SETBP1: variants seen among roughly 807,000 people sequenced by gnomAD.
The protein encoded by SETBP1 is SET-binding protein.
SETBP1 carries 9 observed loss-of-function variants against 101.0 expected under a neutral mutation model. The ratio of observed to expected loss-of-function variants is 0.09; its 90% confidence interval spans 0.05 to 0.16. The LOEUF (loss-of-function observed/expected upper bound fraction) is 0.16, where lower values mean the gene tolerates loss of function less well. SETBP1 is among the 10% of genes least tolerant of loss of function. The pLI, the probability that SETBP1 is intolerant of heterozygous loss-of-function variation, is 1.00. For synonymous variants in SETBP1, 818 were observed against 788.5 expected (o/e 1.04, Z -0.63); for missense variants, 1,858 against 2,033.8 (o/e 0.91, Z 1.66).
chr18:45,055,361 A>G (rs1052333616), intron 5 of SETBP1, among the ~76,000 whole-genome samples: 3 of 152,202 alleles, frequency 2.0e-5, no homozygotes, highest in African/African-American at 7.2e-5. Flanking sequence ...CTTTTTCTTA[A>G]ATACAAACTT....
intron 3 of SETBP1, among the ~76,000 whole-genome samples, chr18:44,942,065 T>C (rs1433332123): frequency 1.3e-5 from 2 of 152,208 alleles, no homozygotes; most frequent in Non-Finnish European, 2.9e-5. Context: ...GTTTTGACTT[T>C]TGTTCTGATA....
At chr18:44,715,836 G>A (rs572681910) in intron 2 of SETBP1, among the ~76,000 whole-genome samples, 1 of 152,322 alleles carries the variant, frequency 6.6e-6, no homozygotes, top group Non-Finnish European at 1.5e-5. Context: ...AGACGTGGCT[G>A]TGATGGACAG....
chr18:45,063,111 C>A lies in SETBP1; in HGVS notation c.4204C>A (p.Arg1402=). The part of the protein sequence containing the change: ...GSSLKKRFKR[R]EIEAIQCEVR... The stretch of plus-strand genomic sequence containing the variant: ...CTCCCTGAAGAAGAGGTTCAAGCGG[C>A]GGGAGATCGAAGCCATCCAGTGCGA... Residue 1402 remains arginine, a synonymous_variant, in exon 6 of 6, where the codon CGG becomes AGG. Transcript: ENST00000649279. 1 of 1,613,966 alleles carries A rather than the reference C, an allele frequency of 6.2e-7. No individual in the cohort carries two copies. Among genetic ancestry groups the A allele is most frequent in the East Asian group, 2.2e-5 (1 of 44,836 alleles).
At chr18:44,877,935 T>A (rs1474423792) in intron 3 of SETBP1, among the ~76,000 whole-genome samples, 2 of 152,186 alleles carry the variant, frequency 1.3e-5, no homozygotes, top group Non-Finnish European at 2.9e-5. Flanking sequence ...TCCAAGACAT[T>A]CTGACCATCT....
chr18:44,883,503 C>G (rs1374489943), intron 3 of SETBP1, among the ~76,000 whole-genome samples: 1 of 152,296 alleles, frequency 6.6e-6, no homozygotes, highest in East Asian at 1.9e-4. Flanking sequence ...TCTAGATTAG[C>G]TAATCAGGTT....
chr18:45,029,887 T>C (rs537162312), intron 4 of SETBP1, among the ~76,000 whole-genome samples: 2 of 152,088 alleles, frequency 1.3e-5, no homozygotes, highest in Admixed American at 1.3e-4. Flanking sequence ...CTGAAGTTGC[T>C]TATCAGCTTA....
chr18:44,986,594 T>C (rs1477646486), intron 4 of SETBP1: 2 of 150,324 alleles, frequency 1.3e-5, no homozygotes, highest in Admixed American at 6.7e-5. Context: ...TATATTCTTA[T>C]TCTATAAGCC....
At chr18:44,915,247 G>A (rs1440548907) in intron 3 of SETBP1, among the ~76,000 whole-genome samples, 2 of 152,154 alleles carry the variant, frequency 1.3e-5, no homozygotes, top group African/African-American at 2.4e-5. Flanking sequence ...CAGTTCTCCT[G>A]ACTTCAGAAA....
At chr18:45,038,705 G>A (rs1599481831) in intron 5 of SETBP1, 50 bp downstream of exon 5, 3 of 1,600,374 alleles carry the variant, frequency 1.9e-6, no homozygotes, top group East Asian at 4.5e-5. Flanking sequence ...GATGAATGTG[G>A]AGAAAGCCCA....
chr18:44,707,964 C>G (rs1419019578), intron 2 of SETBP1, among the ~76,000 whole-genome samples: 2 of 152,150 alleles, frequency 1.3e-5, no homozygotes, highest in African/African-American at 4.8e-5. Context: ...GGGTTCTTCC[C>G]TTTTCCTGGC....
chr18:44,875,504 G>A (rs964342372), intron 3 of SETBP1, among the ~76,000 whole-genome samples: 3 of 120,252 alleles, frequency 2.5e-5, no homozygotes, highest in African/African-American at 9.6e-5. Flanking sequence ...ACTCCAGCCT[G>A]GCAAGAGAGC....
chr18:44,798,139 G>A (rs541330672), intron 2 of SETBP1, among the ~76,000 whole-genome samples: 17 of 152,264 alleles, frequency 1.1e-4, no homozygotes, highest in Admixed American at 1.1e-3. Flanking sequence ...GACCCTCTTA[G>A]GAGGACCATA....
intron 3 of SETBP1, among the ~76,000 whole-genome samples, chr18:44,929,092 G>A (rs539871893): frequency 3.3e-5 from 5 of 152,056 alleles, no homozygotes; most frequent in Middle Eastern, 3.4e-3. Context: ...TAATCCATCC[G>A]TCTTGAATTA....
At chr18:44,691,241 A>G (rs2068926978) in intron 1 of SETBP1, among the ~76,000 whole-genome samples, 1 of 152,152 alleles carries the variant, frequency 6.6e-6, no homozygotes, top group Non-Finnish European at 1.5e-5. Flanking sequence ...CTGGACCTTA[A>G]TTTCCAGGTC....
intron 4 of SETBP1, among the ~76,000 whole-genome samples, chr18:44,982,316 G>A (rs1266130065): frequency 6.6e-6 from 1 of 151,956 alleles, no homozygotes; most frequent in Non-Finnish European, 1.5e-5. Flanking sequence ...CCGCCGGCTG[G>A]AAGATCCACA....
chr18:44,934,866 C>T (rs148458738), intron 3 of SETBP1, among the ~76,000 whole-genome samples: 41 of 152,224 alleles, frequency 2.7e-4, no homozygotes, highest in Non-Finnish European at 5.1e-4. Context: ...AGAATAAAGA[C>T]GGAAGACAGT....
intron 4 of SETBP1, among the ~76,000 whole-genome samples, chr18:44,985,073 G>A (rs1458226513): frequency 2.0e-5 from 3 of 152,114 alleles, no homozygotes; most frequent in East Asian, 1.9e-4. Flanking sequence ...CCCAGGAGGC[G>A]GAGGTTGCAG....
At chr18:44,998,330 C>T (rs2072542597) in intron 4 of SETBP1, among the ~76,000 whole-genome samples, 1 of 152,256 alleles carries the variant, frequency 6.6e-6, no homozygotes, top group Admixed American at 6.5e-5. Context: ...ACACCAGGCA[C>T]TTGCCCCATA....
chr18:45,031,408 A>G (rs568497052), intron 4 of SETBP1, among the ~76,000 whole-genome samples: 2 of 152,298 alleles, frequency 1.3e-5, no homozygotes, highest in Admixed American at 6.5e-5. Flanking sequence ...CCTTTAATCC[A>G]CACAACAACG....
Sources: allele counts gnomAD v4.1 joint callset (sites outside exome capture counted in the v4.1 genomes callset), GRCh38; gene constraint gnomAD v4.1.1; transcripts MANE v1.5; gene names NCBI Gene and HGNC (gene_info 2026-07-23, HGNC 2026-07-21).